Variants in WWOX observed in about 807,000 individuals in gnomAD.
WWOX encodes WW domain containing oxidoreductase.
WWOX carries 69 observed loss-of-function variants against 46.2 expected under a neutral mutation model. The ratio of observed to expected loss-of-function variants is 1.49; its 90% CI spans 1.23 to 1.82. The LOEUF (loss-of-function observed/expected upper bound fraction) is 1.82, where lower values mean the gene tolerates loss of function less well. WWOX is among the 40% of genes most tolerant of loss of function. The pLI is 0.00. For missense variants in WWOX, 919 were observed against 542.6 expected (o/e 1.69, Z -6.89); for synonymous variants, 359 against 202.6 (o/e 1.77, Z -6.56).
Position 79,211,941 on chromosome 16 carries a change from A to C in WWOX, c.*145A>C, listed in dbSNP as rs1480422632. On this transcript the variant is annotated 3_prime_UTR_variant, in exon 9 of 9. Coordinates refer to ENST00000566780, the MANE Select transcript of WWOX (RefSeq NM_016373.4). ...AAGAGCAGTCACAACAGAGTGAAAA[A>C]TCTTAAGTACCAATGGGAAGCAGGG... The C allele has an allele frequency of 7.2e-6, 11 of 1,537,426 alleles. No homozygotes were observed. The highest frequency in any genetic ancestry group is 2.7e-5 in the African/African-American group (2 of 73,062).
At chr16:78,210,571 C>T (rs151248720) in intron 5 of WWOX, among the ~76,000 whole-genome samples, 1,660 of 152,238 alleles carry the variant, frequency 0.011, 18 homozygotes, top group Non-Finnish European at 0.019. Context: ...CTAAATCCTG[C>T]GTTTTCTCAC....
At chr16:78,461,316 C>T (rs376592058) in intron 8 of WWOX, among the ~76,000 whole-genome samples, 3 of 152,020 alleles carry the variant, frequency 2.0e-5, no homozygotes, top group African/African-American at 4.8e-5. Flanking sequence ...TTGCACTGTC[C>T]GTTTTCCAAA....
At chr16:79,086,054 A>G (rs534928468) in intron 8 of WWOX, among the ~76,000 whole-genome samples, 2 of 136,298 alleles carry the variant, frequency 1.5e-5, no homozygotes, top group Non-Finnish European at 3.1e-5. Context: ...CGTGGGCAAC[A>G]GTGTGAGACC....
chr16:78,204,137 A>C (rs1321337621), intron 5 of WWOX, among the ~76,000 whole-genome samples: 1 of 152,252 alleles, frequency 6.6e-6, no homozygotes, highest in Admixed American at 6.5e-5. Flanking sequence ...CATGTCTTTG[A>C]GAGCCATAGC....
chr16:78,308,543 A>C (rs2151872411), intron 5 of WWOX, among the ~76,000 whole-genome samples: 1 of 152,286 alleles, frequency 6.6e-6, no homozygotes, highest in East Asian at 1.9e-4. Flanking sequence ...AAAGAAATCA[A>C]ATTATTTTAC....
At chr16:78,539,239 G>A (rs2043829579) in intron 8 of WWOX, among the ~76,000 whole-genome samples, 2 of 152,228 alleles carry the variant, frequency 1.3e-5, no homozygotes, top group African/African-American at 4.8e-5. Flanking sequence ...GGTTAGGTTA[G>A]TAATTAGATG....
At chr16:78,794,762 A>G (rs1026560029) in intron 8 of WWOX, among the ~76,000 whole-genome samples, 1 of 152,148 alleles carries the variant, frequency 6.6e-6, no homozygotes, top group Non-Finnish European at 1.5e-5. Flanking sequence ...GAAGATGGAG[A>G]CCCATGTGTT....
At chr16:78,967,853 A>C (rs960533178) in intron 8 of WWOX, among the ~76,000 whole-genome samples, 1 of 152,122 alleles carries the variant, frequency 6.6e-6, no homozygotes, top group African/African-American at 2.4e-5. Flanking sequence ...CACATAAATC[A>C]ACTCTGTTGC....
intron 8 of WWOX, among the ~76,000 whole-genome samples, chr16:78,437,218 C>T (rs1007989617): frequency 3.3e-5 from 5 of 152,178 alleles, no homozygotes; most frequent in Admixed American, 6.5e-5. Context: ...CTAATATCAA[C>T]GTCCCTTTTT....
chr16:78,417,841 A>G (rs886801667), intron 6 of WWOX, among the ~76,000 whole-genome samples: 19 of 152,210 alleles, frequency 1.2e-4, no homozygotes, highest in African/African-American at 4.6e-4. Context: ...TGTGGAAAAC[A>G]GGTGTTGTCA....
intron 8 of WWOX, among the ~76,000 whole-genome samples, chr16:78,963,425 C>T (rs28402951): frequency 0.33 from 49,841 of 152,050 alleles, 8,586 homozygotes; most frequent in Non-Finnish European, 0.36. Flanking sequence ...ACTGTGACTA[C>T]ACTGCTGCAC....
intron 5 of WWOX, among the ~76,000 whole-genome samples, chr16:78,235,258 G>A (rs774259723): frequency 2.6e-5 from 4 of 152,110 alleles, no homozygotes; most frequent in Non-Finnish European, 5.9e-5. Context: ...TTTGTCAGTC[G>A]TGGTTTGTGT....
intron 8 of WWOX, among the ~76,000 whole-genome samples, chr16:78,800,427 G>A (rs906477997): frequency 3.9e-5 from 6 of 152,160 alleles, no homozygotes; most frequent in East Asian, 3.9e-4. Flanking sequence ...TTGTGTAGGT[G>A]CCTGTAGTCA....
intron 6 of WWOX, among the ~76,000 whole-genome samples, chr16:78,395,602 T>C (rs564131909): frequency 9.2e-5 from 14 of 152,008 alleles, no homozygotes; most frequent in Non-Finnish European, 1.9e-4. Context: ...TTACAATGCC[T>C]GACAACCAAG....
chr16:78,816,626 C>G (rs1407071269), intron 8 of WWOX, among the ~76,000 whole-genome samples: 12 of 140,904 alleles, frequency 8.5e-5, no homozygotes, highest in Admixed American at 8.5e-4. Flanking sequence ...ATAGTAAATA[C>G]AGATGTAGCT....
At chr16:79,036,714 T>C (rs917149370) in intron 8 of WWOX, among the ~76,000 whole-genome samples, 1 of 152,176 alleles carries the variant, frequency 6.6e-6, no homozygotes, top group African/African-American at 2.4e-5. Flanking sequence ...TGGGATTGAT[T>C]AGTGATGTCT....
At chr16:78,784,200 A>G (rs2050399878) in intron 8 of WWOX, among the ~76,000 whole-genome samples, 1 of 152,098 alleles carries the variant, frequency 6.6e-6, no homozygotes. Flanking sequence ...CAATCACTCA[A>G]CCCTTGTCAT....
At chr16:78,321,519 C>G (rs1448223187) in intron 5 of WWOX, among the ~76,000 whole-genome samples, 1 of 151,544 alleles carries the variant, frequency 6.6e-6, no homozygotes, top group Non-Finnish European at 1.5e-5. Context: ...TCGTAGTCTG[C>G]CACGAGAATC....
chr16:79,021,613 C>T (rs1351907652), intron 8 of WWOX, among the ~76,000 whole-genome samples: 4 of 152,196 alleles, frequency 2.6e-5, no homozygotes, highest in East Asian at 3.8e-4. Flanking sequence ...CTGCGACTCT[C>T]GCGTGATAGG....
Sources: gnomAD v4.1 joint callset for allele counts (sites outside exome capture counted in the v4.1 genomes callset) on GRCh38, gnomAD v4.1.1 for gene constraint, MANE v1.5 for transcripts, NCBI Gene and HGNC (gene_info 2026-07-23, HGNC 2026-07-21) for gene names.